KCNK2: variants seen among roughly 807,000 people sequenced by gnomAD.
The protein encoded by KCNK2 is potassium channel subfamily K member 2.
A neutral mutation model predicts 40.5 loss-of-function variants in KCNK2; 21 were observed. That is an observed-to-expected ratio of 0.52 (90% CI 0.37 to 0.75). KCNK2 has a LOEUF of 0.75. Ranked by LOEUF, KCNK2 falls within the 30% of genes least tolerant of loss-of-function variation. The pLI is 0.00. For synonymous variants in KCNK2, 191 were observed against 202.2 expected (o/e 0.94, Z 0.47); for missense variants, 399 against 531.6 (o/e 0.75, Z 2.45).
chr1:215,190,792 AT>A (rs1216186530), intron 5 of KCNK2, among the ~76,000 whole-genome samples: 1 of 152,152 alleles, frequency 6.6e-6, no homozygotes, highest in Non-Finnish European at 1.5e-5. Context: ...AAGCGTGAGA[AT>A]GCAACTCCCC....
At chr1:215,080,817 A>G (rs912951797), upstream of KCNK2, among the ~76,000 whole-genome samples, 5 of 152,198 alleles carry the variant, frequency 3.3e-5, no homozygotes, top group African/African-American at 1.2e-4. Context: ...GGTTAGTTTT[A>G]TGTGTCAACT....
chr1:215,056,224 C>T (rs765460770), intron 1 of KCNK2, among the ~76,000 whole-genome samples: 1 of 148,552 alleles, frequency 6.7e-6, no homozygotes, highest in African/African-American at 2.5e-5. Context: ...AGGAGAGTCG[C>T]TTGAACCCAG....
At position 215,083,209 on chromosome 1, in the gene KCNK2, C is replaced by CCCCCCCCG; in HGVS notation, c.-177_-176insCCCCCCCG. 2.6e-6 allele frequency: 3 copies of CCCCCCCCG among 1,165,596 alleles called. No homozygotes were observed. The highest frequency in any genetic ancestry group is 1.2e-6 in the Non-Finnish European group (1 of 831,722). The allele number at this position is 1,165,596 out of a possible 1,614,324, so 72.2% of individuals were successfully genotyped here. A position where few individuals can be genotyped will look rare whatever the true frequency, so the allele number is the denominator to read the frequency against. ...CTTCTCACGCTCCCCCCCCCGCCCCCTCCCGCGTCCAGCCCCGCTCTCCCC... is the reference window on the plus strand; with the variant it reads ...CTTCTCACGCTCCCCCCCCCGCCCCCCCCCCCCGTCCCGCGTCCAGCCCCGCTCTCCCC... On this transcript the variant is annotated 5_prime_UTR_variant, in exon 1 of 7. Transcript: ENST00000444842.
intron 1 of KCNK2, among the ~76,000 whole-genome samples, chr1:215,036,133 G>GT (rs34635305): frequency 0.51 from 74,331 of 146,552 alleles, 19,049 homozygotes; most frequent in Non-Finnish European, 0.56. Context: ...GCTCTCATGT[G>GT]TTTTTTTTTT....
intron 1 of KCNK2, among the ~76,000 whole-genome samples, chr1:215,059,109 A>G (rs1658277761): frequency 1.4e-5 from 2 of 147,558 alleles, no homozygotes; most frequent in South Asian, 5.1e-4. Context: ...ATATACACAC[A>G]CATACATATA....
intron 2 of KCNK2, among the ~76,000 whole-genome samples, chr1:215,115,218 AT>A (rs1190101531): frequency 6.6e-6 from 1 of 152,028 alleles, no homozygotes; most frequent in Non-Finnish European, 1.5e-5. Flanking sequence ...GATTACCTTT[AT>A]ATAGGTACAA....
At chr1:215,154,894 T>A (rs914271200) in intron 3 of KCNK2, among the ~76,000 whole-genome samples, 1 of 152,190 alleles carries the variant, frequency 6.6e-6, no homozygotes, top group African/African-American at 2.4e-5. Flanking sequence ...GTTGTAGATG[T>A]GTGGTGCTAT....
chr1:215,186,163 ACTT>A (rs1366255931), intron 5 of KCNK2, among the ~76,000 whole-genome samples: 4 of 152,190 alleles, frequency 2.6e-5, no homozygotes, highest in African/African-American at 9.7e-5. Context: ...AAATGGCAGC[ACTT>A]GAGAGGCCAA....
intron 2 of KCNK2, among the ~76,000 whole-genome samples, chr1:215,106,034 A>G (rs570617278): frequency 9.2e-5 from 14 of 152,230 alleles, no homozygotes; most frequent in Admixed American, 7.9e-4. Context: ...TGCTGTGAAT[A>G]GTGCTGTGAT....
chr1:215,126,922 C>G (rs1166409248), intron 3 of KCNK2, among the ~76,000 whole-genome samples: 2 of 152,086 alleles, frequency 1.3e-5, no homozygotes, highest in African/African-American at 4.8e-5. Context: ...GTCCTCTAAT[C>G]TTGGACTAGG....
chr1:215,184,993 G>C (rs1339406), intron 5 of KCNK2, among the ~76,000 whole-genome samples: 2 of 151,916 alleles, frequency 1.3e-5, no homozygotes, highest in African/African-American at 4.8e-5. Flanking sequence ...TCATTTTGTA[G>C]AAGATGAAAA....
intron 5 of KCNK2, among the ~76,000 whole-genome samples, chr1:215,193,317 G>A (rs973394258): frequency 6.6e-6 from 1 of 152,116 alleles, no homozygotes; most frequent in African/African-American, 2.4e-5. Context: ...TCTCTATGCT[G>A]TTGGTCCTAA....
chr1:215,079,234 A>G (rs1374226294), upstream of KCNK2, among the ~76,000 whole-genome samples: 1 of 152,180 alleles, frequency 6.6e-6, no homozygotes, highest in African/African-American at 2.4e-5. Flanking sequence ...GCTTATATAT[A>G]TTGAGTGAAT....
intron 3 of KCNK2, among the ~76,000 whole-genome samples, chr1:215,149,709 A>G (rs1429969283): frequency 6.6e-6 from 1 of 152,110 alleles, no homozygotes; most frequent in African/African-American, 2.4e-5. Context: ...GATAAAACTC[A>G]TGTGCAGAAG....
intron 3 of KCNK2, among the ~76,000 whole-genome samples, chr1:215,124,965 A>G (rs1661351394): frequency 6.6e-6 from 1 of 152,238 alleles, no homozygotes; most frequent in Non-Finnish European, 1.5e-5. Context: ...ACTTTAAAAT[A>G]CATGTGAAAC....
chr1:215,112,036 C>T (rs1660708133), intron 2 of KCNK2, among the ~76,000 whole-genome samples: 1 of 151,770 alleles, frequency 6.6e-6, no homozygotes, highest in South Asian at 2.1e-4. Context: ...TAATCTCTTG[C>T]TCTCTCTGGA....
At chr1:215,222,629 G>A (rs1666226735) in intron 6 of KCNK2, among the ~76,000 whole-genome samples, 1 of 151,976 alleles carries the variant, frequency 6.6e-6, no homozygotes, top group African/African-American at 2.4e-5. Flanking sequence ...AAGCAGGTTA[G>A]GTTAAGAAGA....
chr1:215,211,287 TC>T (rs1302278782), intron 6 of KCNK2, among the ~76,000 whole-genome samples: 1 of 152,114 alleles, frequency 6.6e-6, no homozygotes, highest in Non-Finnish European at 1.5e-5. Context: ...AACACTCTTG[TC>T]CTGCTGCCTT....
intron 1 of KCNK2, among the ~76,000 whole-genome samples, chr1:215,065,545 T>C (rs1417506349): frequency 6.6e-6 from 1 of 152,198 alleles, no homozygotes; most frequent in Non-Finnish European, 1.5e-5. Context: ...TAGAGGTAAA[T>C]TATGACTTCT....
Sources: gnomAD v4.1 joint callset for allele counts (sites outside exome capture counted in the v4.1 genomes callset) on GRCh38, gnomAD v4.1.1 for gene constraint, MANE v1.5 for transcripts, NCBI Gene and HGNC (gene_info 2026-07-23, HGNC 2026-07-21) for gene names.